Variants in DECR1 observed in about 807,000 individuals in gnomAD.
DECR1 encodes the protein 2,4-dienoyl-CoA reductase 1, also known as 2,4-dienoyl-CoA reductase [(3E)-enoyl-CoA-producing], mitochondrial.
DECR1 carries 44 observed loss-of-function variants against 38.8 expected under a neutral mutation model. The ratio of observed to expected loss-of-function variants is 1.13; its 90% confidence interval spans 0.89 to 1.46. The LOEUF is 1.46. DECR1 is among the 40% of genes most tolerant of loss of function. The pLI is 0.00. For missense variants in DECR1, 428 were observed against 405.5 expected (o/e 1.06, Z -0.48); for synonymous variants, 148 against 135.2 (o/e 1.09, Z -0.66).
intron 5 of DECR1, among the ~76,000 whole-genome samples, chr8:90,036,004 G>A (rs974171958): frequency 3.3e-5 from 5 of 151,974 alleles, no homozygotes. Flanking sequence ...ATGTCTCCCA[G>A]CCCTATGCAA....
intron 1 of DECR1, among the ~76,000 whole-genome samples, chr8:90,009,879 CTAACTGCAGACAGA>C (rs1186017425): frequency 6.6e-6 from 1 of 152,182 alleles, no homozygotes; most frequent in African/African-American, 2.4e-5. Flanking sequence ...CAGTCTGCAT[CTAACTGCAGACAGA>C]TAACCACTGT....
At chr8:90,045,837 C>G (rs1346361249) in intron 8 of DECR1, among the ~76,000 whole-genome samples, 1 of 152,150 alleles carries the variant, frequency 6.6e-6, no homozygotes, top group East Asian at 1.9e-4. Context: ...GACGAAGCTT[C>G]CAGAGGAAGG....
At chr8:90,006,106 C>T (rs1030956876) in intron 1 of DECR1, 51 of 666,328 alleles carry the variant, frequency 7.7e-5, no homozygotes, top group Non-Finnish European at 1.9e-5. Flanking sequence ...TTAGACCCCA[C>T]CTCCAACATT....
At chr8:90,019,353 G>C (rs1450959247) in intron 4 of DECR1, among the ~76,000 whole-genome samples, 181 bp downstream of exon 4, 1 of 152,212 alleles carries the variant, frequency 6.6e-6, no homozygotes, top group Non-Finnish European at 1.5e-5. Flanking sequence ...GCCGGTGGTA[G>C]AAGAGAACAG....
chr8:90,015,592 G>A (rs938427918), intron 1 of DECR1: 3 of 453,400 alleles, frequency 6.6e-6, no homozygotes, highest in Non-Finnish European at 8.9e-6. Context: ...ATTCTTTCCT[G>A]AGGATAAATT....
At chr8:90,027,747 T>C (rs977045464) in intron 5 of DECR1, among the ~76,000 whole-genome samples, 32 of 152,116 alleles carry the variant, frequency 2.1e-4, no homozygotes, top group African/African-American at 7.7e-4. Context: ...ATGTGTGAGT[T>C]TGATCCTGTG....
chr8:90,014,558 T>G (rs1241586295), intron 1 of DECR1, among the ~76,000 whole-genome samples: 3 of 152,210 alleles, frequency 2.0e-5, no homozygotes, highest in African/African-American at 7.2e-5. Flanking sequence ...TGTTACATTA[T>G]GGACACTAGG....
At chr8:90,032,758 C>T (rs1372162034) in intron 5 of DECR1, among the ~76,000 whole-genome samples, 4 of 152,124 alleles carry the variant, frequency 2.6e-5, no homozygotes, top group Non-Finnish European at 5.9e-5. Flanking sequence ...CCTGACCTAC[C>T]GGCCGTTCAA....
intron 1 of DECR1, among the ~76,000 whole-genome samples, chr8:90,015,904 T>C (rs1414774001): frequency 2.0e-5 from 3 of 152,248 alleles, no homozygotes; most frequent in Non-Finnish European, 4.4e-5. Flanking sequence ...TACAATAGGA[T>C]AAAACTAATA....
In DECR1 at chr8:90,017,891, T is replaced by C. The variant is rs149078822; in HGVS notation, c.272+565T>C. The stretch of plus-strand genomic sequence containing the variant: ...TGCAGTACTTTCATTTTATTTTTTA[T>C]TTTTTGTGAGGTGGAGTTTTGTCCA... On this transcript the variant is annotated intron_variant, in intron 2 of 9. Transcript: ENST00000220764. Among the ~76,000 whole-genome samples, 340 of 152,338 alleles carry C rather than the reference T, an allele frequency of 2.2e-3. 2 individuals are homozygous for C. The highest frequency in any genetic ancestry group is 7.0e-3 in the African/African-American group (293 of 41,588).
intron 1 of DECR1, chr8:90,005,144 T>G (rs1220190701): frequency 6.0e-6 from 2 of 335,104 alleles, no homozygotes; most frequent in African/African-American, 2.2e-5. Flanking sequence ...TTTATAAAAA[T>G]TCAAGTGGTT....
chr8:90,004,115 T>G (rs1265127657), intron 1 of DECR1, among the ~76,000 whole-genome samples: 5 of 151,894 alleles, frequency 3.3e-5, no homozygotes, highest in Non-Finnish European at 7.4e-5. Flanking sequence ...TTATCAAGAG[T>G]AATAACTATC....
At chr8:90,050,769 C>T (rs1443715369) in intron 8 of DECR1, among the ~76,000 whole-genome samples, 2 of 152,108 alleles carry the variant, frequency 1.3e-5, no homozygotes, top group African/African-American at 2.4e-5. Context: ...GACTTGGAAC[C>T]AACCCAGATG....
chr8:90,049,936 C>T (rs1333868700), intron 8 of DECR1, among the ~76,000 whole-genome samples: 1 of 152,198 alleles, frequency 6.6e-6, no homozygotes, highest in East Asian at 1.9e-4. Flanking sequence ...AAAGGATTCC[C>T]TGTTTAATAA....
intron 1 of DECR1, among the ~76,000 whole-genome samples, chr8:90,008,966 T>TG (rs1163212037): frequency 6.6e-6 from 1 of 152,012 alleles, no homozygotes; most frequent in Non-Finnish European, 1.5e-5. Context: ...TCCTAATAGT[T>TG]TCCCTGCTTC....
intron 1 of DECR1, among the ~76,000 whole-genome samples, chr8:90,002,028 G>C (rs569423858): frequency 6.6e-6 from 1 of 152,296 alleles, no homozygotes; most frequent in South Asian, 2.1e-4. Context: ...TGAGCACCGG[G>C]GCCCGGGTCG....
intron 1 of DECR1, among the ~76,000 whole-genome samples, chr8:90,012,333 A>C (rs920308666): frequency 6.6e-6 from 1 of 151,664 alleles, no homozygotes; most frequent in Admixed American, 6.6e-5. Flanking sequence ...TTGTATTTTT[A>C]GTAGAGATGG....
chr8:90,042,630 C>A, intron 6 of DECR1, 98 bp from the exon 7 acceptor site: 1 of 993,314 alleles, frequency 1.0e-6, no homozygotes, highest in Non-Finnish European at 1.6e-6. Context: ...GGGTTGTAAT[C>A]TCTGGCATGT....
chr8:90,002,938 A>G (rs994340693), intron 1 of DECR1, among the ~76,000 whole-genome samples: 1 of 152,240 alleles, frequency 6.6e-6, no homozygotes, highest in Non-Finnish European at 1.5e-5. Flanking sequence ...GGATTGTAGC[A>G]ATAAGGTCAT....
Sources: gnomAD v4.1 joint callset for allele counts (sites outside exome capture counted in the v4.1 genomes callset) on GRCh38, gnomAD v4.1.1 for gene constraint, MANE v1.5 for transcripts, NCBI Gene and HGNC (gene_info 2026-07-23, HGNC 2026-07-21) for gene names.